Variants in RYK observed in about 807,000 individuals in gnomAD.
RYK encodes the protein inactive tyrosine-protein kinase RYK.
A neutral mutation model predicts 70.2 loss-of-function variants in RYK; 21 were observed. That is an observed-to-expected ratio of 0.30 (90% CI 0.21 to 0.43). RYK has a LOEUF of 0.43. RYK is among the 20% of genes least tolerant of loss of function. The pLI, the probability that RYK is intolerant of heterozygous loss-of-function variation, is 1.00. For missense variants in RYK, 604 were observed against 753.3 expected, an observed-to-expected ratio of 0.80 and a Z score of 2.32; for synonymous variants, 267 against 278.0, an observed-to-expected ratio of 0.96 and a Z score of 0.39.
At chr3:134,160,838 A>G (rs1328031446) in intron 13 of RYK, among the ~76,000 whole-genome samples, 6 of 152,198 alleles carry the variant, frequency 3.9e-5, no homozygotes, top group Non-Finnish European at 8.8e-5. Context: ...CTGGGCAACA[A>G]AGCGAGACTC....
chr3:134,202,149 A>G (rs2107674684), intron 6 of RYK, among the ~76,000 whole-genome samples: 1 of 152,362 alleles, frequency 6.6e-6, no homozygotes, highest in African/African-American at 2.4e-5. Context: ...TATCTAACCC[A>G]GTATATCTCA....
At chr3:134,235,932 G>A (rs935276107) in intron 1 of RYK, among the ~76,000 whole-genome samples, 2 of 152,060 alleles carry the variant, frequency 1.3e-5, no homozygotes, top group African/African-American at 4.8e-5. Context: ...AGGAAGGTAG[G>A]TGTGCTATAG....
intron 5 of RYK, 98 bp from the exon 6 acceptor site, chr3:134,202,972 C>A: frequency 1.1e-6 from 1 of 937,160 alleles, no homozygotes; most frequent in Non-Finnish European, 1.6e-6. Flanking sequence ...TTTCATGTGC[C>A]CATTCTTTGT....
chr3:134,224,502 G>A (rs116931000), intron 1 of RYK, among the ~76,000 whole-genome samples: 2,110 of 152,300 alleles, frequency 0.014, 32 homozygotes, highest in East Asian at 0.089. Context: ...GCATAGCATC[G>A]CAGGGAGACG....
At chr3:134,246,517 G>A (rs934304065) in intron 1 of RYK, among the ~76,000 whole-genome samples, 1 of 151,830 alleles carries the variant, frequency 6.6e-6, no homozygotes, top group Non-Finnish European at 1.5e-5. Context: ...ACTTCAGAAT[G>A]CCAGAGAAAA....
chr3:134,244,918 G>A (rs554941782), intron 1 of RYK, among the ~76,000 whole-genome samples: 4 of 152,238 alleles, frequency 2.6e-5, no homozygotes, highest in South Asian at 4.1e-4. Context: ...AGGGGAGCTC[G>A]TTTGCCCCTT....
At chr3:134,210,684 A>G (rs1296808807) in intron 3 of RYK, among the ~76,000 whole-genome samples, 1 of 152,224 alleles carries the variant, frequency 6.6e-6, no homozygotes, top group African/African-American at 2.4e-5. Flanking sequence ...AGTTAGCTCA[A>G]AAGCAGTTAA....
chr3:134,173,252 G>A (rs2012982660), intron 13 of RYK, among the ~76,000 whole-genome samples: 1 of 150,682 alleles, frequency 6.6e-6, no homozygotes, highest in South Asian at 2.1e-4. Context: ...CTGCACTCCA[G>A]TCTGGTGATA....
chr3:134,185,541 G>A (rs2013433771), intron 9 of RYK, among the ~76,000 whole-genome samples: 1 of 152,186 alleles, frequency 6.6e-6, no homozygotes, highest in Admixed American at 6.5e-5. Flanking sequence ...TTTGGAAAAG[G>A]TGCTTCATAT....
In RYK at chr3:134,201,299, G is replaced by A. The variant is rs545110800; in HGVS notation, c.788+1431C>T. ...CACAGAAATGGAAAATAAAACAGTG[G>A]GGACAAAGAGTACTAAGGGGCAGGT... On this transcript the variant is annotated intron_variant, in intron 6 of 14. Transcript: ENST00000623711. Among the ~76,000 whole-genome samples the A allele has an allele frequency of 2.6e-5, 4 of 152,198 alleles. No individual in the cohort carries two copies. The South Asian group carries it at 8.3e-4, about 32-fold the overall frequency.
chr3:134,178,069 G>A lies in RYK; in HGVS notation c.1177C>T (p.Leu393Phe). Residue 393 changes from leucine to phenylalanine, a missense_variant, in exon 11 of 15, where the codon CTT becomes TTT. Physicochemically the swap from Leu to Phe is conservative, Grantham distance 22 (BLOSUM62 0). Transcript: ENST00000623711. ...CKLRGLHHRN[L>F]LPITHVCIEE... ...ATACACACATGAGTAATAGGAAGAA[G>A]ATTTCTATAAAATAATAAAAAATTG... 1.3e-6 allele frequency: 2 copies of A among 1,560,440 alleles called. No homozygotes were observed. Among genetic ancestry groups the A allele is most frequent in the Non-Finnish European group, 1.7e-6 (2 of 1,154,644 alleles).
At chr3:134,201,989 G>A (rs537562854) in intron 6 of RYK, among the ~76,000 whole-genome samples, 1 of 152,274 alleles carries the variant, frequency 6.6e-6, no homozygotes, top group East Asian at 1.9e-4. Context: ...ACTGAGGCTG[G>A]ACAAGCACCT....
chr3:134,250,487 C>A lies in RYK; in HGVS notation c.168G>T (p.Gln56His). 2 of 1,329,986 alleles carry A rather than the reference C, an allele frequency of 1.5e-6. No homozygotes were observed. The highest frequency in any genetic ancestry group is 2.0e-5 in the South Asian group (1 of 49,484). The allele number at this position is 1,329,986 out of a possible 1,614,324, so 82.4% of individuals were successfully genotyped here. A position where few individuals can be genotyped will look rare whatever the true frequency, so the allele number is the denominator to read the frequency against. ...AAPAPRPPEL[Q>H]SASAGPSVSL... The stretch of plus-strand genomic sequence containing the variant: ...TCACGCTGGGCCCCGCGGAAGCCGA[C>A]TGCAGCTCCGGGGGCCGCGGGGCGG... The change falls in exon 1 of 15, where the codon CAG becomes CAT. Residue 56 changes from glutamine (Q) to histidine (H), a missense_variant. Physicochemically the swap from Gln to His is conservative, Grantham distance 24. Coordinates refer to ENST00000623711, the MANE Select transcript of RYK (RefSeq NM_002958.4).
intron 1 of RYK, among the ~76,000 whole-genome samples, chr3:134,234,507 T>C (rs1252852247): frequency 6.6e-6 from 1 of 152,106 alleles, no homozygotes; most frequent in African/African-American, 2.4e-5. Flanking sequence ...ATAAAATTAT[T>C]GGGTTACCCA....
In RYK at chr3:134,157,961, G is replaced by A. The variant is rs565122621; in HGVS notation, c.*192C>T. 133 of 391,898 alleles carry A rather than the reference G, an allele frequency of 3.4e-4. 1 individual carries two copies. In the East Asian group the frequency reaches 4.8e-3, roughly 14 times the overall value. The allele number at this position is 391,898 out of a possible 1,614,324, so 24.3% of individuals were successfully genotyped here. ...CCTTTCAGTTCAACCTAATAAAAGT[G>A]ATATCTAGAAAATATGCCACATTAT... On this transcript the variant is annotated 3_prime_UTR_variant, in exon 15 of 15. Coordinates refer to ENST00000623711, the MANE Select transcript of RYK (RefSeq NM_002958.4).
Position 134,189,026 on chromosome 3 carries a change from T to C in RYK, c.1016-103A>G. ...ACATAAAACAAAAATAACAAGGTCA[T>C]ATGTGATCAACATTACTGTAGCCCT... On this transcript the variant is annotated intron_variant, in intron 8 of 14. Coordinates refer to ENST00000623711, the MANE Select transcript of RYK (RefSeq NM_002958.4). 7 of 651,784 alleles carry C rather than the reference T, an allele frequency of 1.1e-5. No homozygotes were observed. In the South Asian group the frequency reaches 1.2e-4, roughly 12 times the overall value. 40.4% of individuals were successfully genotyped at this position (651,784 alleles called of 1,614,324 possible).
At chr3:134,230,344 G>A (rs1244225924) in intron 1 of RYK, among the ~76,000 whole-genome samples, 1 of 152,174 alleles carries the variant, frequency 6.6e-6, no homozygotes, top group African/African-American at 2.4e-5. Context: ...GCCTCCCAAA[G>A]TACTGGGATT....
intron 1 of RYK, among the ~76,000 whole-genome samples, chr3:134,249,928 T>G (rs1358809025): frequency 2.0e-5 from 3 of 147,344 alleles, no homozygotes; most frequent in African/African-American, 2.6e-5. Context: ...TTTTTTTTTT[T>G]TTTTTTTTTT....
chr3:134,177,137 T>C (rs2013133522), intron 11 of RYK, among the ~76,000 whole-genome samples: 1 of 152,136 alleles, frequency 6.6e-6, no homozygotes, highest in Admixed American at 6.5e-5. Flanking sequence ...GATGTGTTCT[T>C]CTAGGTGTAT....
Sources: gnomAD v4.1 joint callset for allele counts (sites outside exome capture counted in the v4.1 genomes callset) on GRCh38, gnomAD v4.1.1 for gene constraint, MANE v1.5 for transcripts, NCBI Gene and HGNC (gene_info 2026-07-23, HGNC 2026-07-21) for gene names.